FAT3: variants seen among roughly 807,000 people sequenced by gnomAD.
FAT3 encodes the protein FAT atypical cadherin 3, also known as protocadherin Fat 3.
Under a neutral mutation model 310.2 loss-of-function variants are expected in FAT3, and 95 were observed. The ratio of observed to expected loss-of-function variants is 0.31; its 90% CI spans 0.26 to 0.36. The LOEUF (loss-of-function observed/expected upper bound fraction) is 0.36. FAT3 is among the 10% of genes least tolerant of loss of function. FAT3 has a pLI of 1.00. For missense variants in FAT3, 5,408 were observed against 5,715.6 expected (o/e 0.95, Z 1.74); for synonymous variants, 2,314 against 2,192.9 (o/e 1.06, Z -1.54).
At chr11:92,872,053 A>C (rs1327416256) in intron 22 of FAT3, among the ~76,000 whole-genome samples, 1 of 152,142 alleles carries the variant, frequency 6.6e-6, no homozygotes, top group Non-Finnish European at 1.5e-5. Flanking sequence ...GATAAGAGTA[A>C]TAGTGTCTGC....
At chr11:92,846,222 G>A (rs1022778980) in intron 19 of FAT3, among the ~76,000 whole-genome samples, 2 of 152,094 alleles carry the variant, frequency 1.3e-5, no homozygotes, top group Non-Finnish European at 2.9e-5. Context: ...CCCTGAAGAC[G>A]AAACTATACC....
chr11:92,590,875 A>T (rs1046588558), intron 3 of FAT3, among the ~76,000 whole-genome samples: 1 of 152,096 alleles, frequency 6.6e-6, no homozygotes, highest in Non-Finnish European at 1.5e-5. Context: ...TTGTGGTCAG[A>T]TGAGCTGAGA....
At position 92,859,203 on chromosome 11, in the gene FAT3, A is replaced by C; in HGVS notation, c.11539A>C (p.Lys3847Gln). Residue 3847 changes from lysine (K) to glutamine (Q), a missense_variant, in exon 21 of 28, where the codon AAA becomes CAA. Lys to Gln is a moderately conservative substitution (Grantham distance 53). Coordinates refer to ENST00000525166, the MANE Select transcript of FAT3 (RefSeq NM_001367949.2). ...CAGCTTTGCTGGAAACAGTTACATC[A>C]AATATCGGCTTTCTGAAAATAGCAA... ...SLSFAGNSYI[K>Q]YRLSENSKEE... The C allele has an allele frequency of 6.2e-7, 1 of 1,613,872 alleles. No individual in the cohort carries two copies. The highest frequency in any genetic ancestry group is 8.5e-7 in the Non-Finnish European group (1 of 1,179,866).
intron 2 of FAT3, among the ~76,000 whole-genome samples, chr11:92,442,395 G>A (rs1262252836): frequency 6.6e-6 from 1 of 150,982 alleles, no homozygotes; most frequent in Non-Finnish European, 1.5e-5. Context: ...TTACAGGCAT[G>A]AGCCACCGCG....
chr11:92,627,621 A>G (rs903093198), intron 3 of FAT3, among the ~76,000 whole-genome samples: 8 of 152,296 alleles, frequency 5.3e-5, no homozygotes, highest in Middle Eastern at 3.4e-3. Flanking sequence ...TGAGCTGAGG[A>G]GAAGCTGTGG....
intron 1 of FAT3, among the ~76,000 whole-genome samples, chr11:92,315,508 TATATAGAGAGAGAGAG>T (rs1266560257): frequency 7.6e-4 from 63 of 83,334 alleles, no homozygotes; most frequent in African/African-American, 3.2e-3. Context: ...TATATATATA[TATATAGAGAGAGAGAG>T]AGAGAGAGAG....
chr11:92,382,321 G>C (rs1410977526), intron 2 of FAT3, among the ~76,000 whole-genome samples: 1 of 152,162 alleles, frequency 6.6e-6, no homozygotes, highest in Non-Finnish European at 1.5e-5. Context: ...GGGTCAGCTG[G>C]AGTGTCATTT....
chr11:92,863,205 G>A (rs1949162049), intron 21 of FAT3, among the ~76,000 whole-genome samples: 1 of 152,026 alleles, frequency 6.6e-6, no homozygotes. Flanking sequence ...AGCCTCCCAA[G>A]TAGCTAGGAC....
chr11:92,629,411 CT>C (rs34017336), intron 3 of FAT3, among the ~76,000 whole-genome samples: 1,384 of 126,070 alleles, frequency 0.011, 6 homozygotes, highest in African/African-American at 0.032. Context: ...CTTCCCCTAC[CT>C]TTTTTTTTTT....
At chr11:92,619,111 T>C (rs1940963297) in intron 3 of FAT3, among the ~76,000 whole-genome samples, 1 of 152,224 alleles carries the variant, frequency 6.6e-6, no homozygotes. Flanking sequence ...CGGTTTTGTC[T>C]TTTATTCTAT....
chr11:92,743,633 A>G (rs1022224028), intron 4 of FAT3, among the ~76,000 whole-genome samples: 3 of 152,224 alleles, frequency 2.0e-5, no homozygotes, highest in Non-Finnish European at 2.9e-5. Flanking sequence ...AGAGGGCCGC[A>G]TGTGTCCTAA....
intron 6 of FAT3, among the ~76,000 whole-genome samples, chr11:92,768,231 A>G (rs955270216): frequency 6.6e-6 from 1 of 152,202 alleles, no homozygotes; most frequent in African/African-American, 2.4e-5. Flanking sequence ...GGATGCTTCC[A>G]TCACAGAGAT....
intron 2 of FAT3, among the ~76,000 whole-genome samples, chr11:92,387,753 G>A (rs1038146345): frequency 7.9e-5 from 12 of 152,148 alleles, no homozygotes; most frequent in African/African-American, 2.9e-4. Flanking sequence ...GGATTTTGAT[G>A]AGCCATTGAC....
intron 2 of FAT3, among the ~76,000 whole-genome samples, chr11:92,421,440 G>A (rs1196322215): frequency 1.3e-5 from 2 of 152,108 alleles, no homozygotes; most frequent in African/African-American, 2.4e-5. Flanking sequence ...CAGTCTGTTT[G>A]TGCAGTGATC....
rs1400390834 is a variant in FAT3, at chr11:92,889,263, T to C, written c.13111+15T>C. 5 of 699,680 alleles carry C rather than the reference T, an allele frequency of 7.1e-6. No homozygotes were observed. Among genetic ancestry groups the C allele is most frequent in the South Asian group, 6.2e-5 (4 of 64,438 alleles). 43.3% of individuals were successfully genotyped at this position (699,680 alleles called of 1,614,324 possible). A position where few individuals can be genotyped will look rare whatever the true frequency, so the allele number is the denominator to read the frequency against. On this transcript the variant is annotated intron_variant, in intron 26 of 27. Coordinates refer to ENST00000525166, the MANE Select transcript of FAT3 (RefSeq NM_001367949.2). ...AGAGAATGAAGGTATTTACTTTTTT[T>C]CTTCCATAGCATTTCTTGAAATTTT...
At chr11:92,756,179 A>G (rs1945985603) in intron 4 of FAT3, among the ~76,000 whole-genome samples, 1 of 152,220 alleles carries the variant, frequency 6.6e-6, no homozygotes, top group Non-Finnish European at 1.5e-5. Context: ...TCCCCAGTGG[A>G]TGCCTGAAAC....
intron 2 of FAT3, among the ~76,000 whole-genome samples, chr11:92,416,879 A>C (rs534713189): frequency 6.6e-6 from 1 of 152,270 alleles, no homozygotes; most frequent in Non-Finnish European, 1.5e-5. Flanking sequence ...AGATTGATGC[A>C]TTTGACCTTT....
intron 3 of FAT3, among the ~76,000 whole-genome samples, chr11:92,688,514 A>G (rs947878581): frequency 4.6e-5 from 7 of 152,180 alleles, no homozygotes; most frequent in African/African-American, 1.4e-4. Flanking sequence ...CACCTAGGAG[A>G]ATTCTTTAAA....
intron 3 of FAT3, among the ~76,000 whole-genome samples, chr11:92,628,160 T>C (rs763895242): frequency 1.3e-5 from 2 of 152,222 alleles, no homozygotes; most frequent in African/African-American, 4.8e-5. Flanking sequence ...TACTGAGTAA[T>C]GCACATGTGC....
Sources: allele counts gnomAD v4.1 joint callset (sites outside exome capture counted in the v4.1 genomes callset), GRCh38; gene constraint gnomAD v4.1.1; transcripts MANE v1.5; gene names NCBI Gene and HGNC (gene_info 2026-07-23, HGNC 2026-07-21).